GALNT17: variants seen among roughly 807,000 people sequenced by gnomAD.
The protein encoded by GALNT17 is polypeptide N-acetylgalactosaminyltransferase 17, also known as UDP-GalNAc:polypeptide N-acetylgalactosaminyltransferase-like 3.
In GALNT17, 29 loss-of-function variants were observed where a neutral mutation model predicts 63.7. The ratio of observed to expected loss-of-function variants is 0.46; its 90% confidence interval spans 0.34 to 0.62. GALNT17 has a LOEUF of 0.62. Ranked by LOEUF, GALNT17 falls within the 20% of genes least tolerant of loss-of-function variation. GALNT17 has a pLI of 0.01. For synonymous variants in GALNT17, 305 were observed against 318.3 expected, an observed-to-expected ratio of 0.96 and a Z score of 0.45; for missense variants, 603 against 799.6, an observed-to-expected ratio of 0.75 and a Z score of 2.97.
chr7:71,669,289 G>A (rs1283749226), intron 7 of GALNT17, among the ~76,000 whole-genome samples: 1 of 152,058 alleles, frequency 6.6e-6, no homozygotes, highest in Admixed American at 6.6e-5. Context: ...GCCGAGGCTG[G>A]CTGATCACTT....
At chr7:71,154,732 A>ACTCAGATC (rs1788200915) in intron 1 of GALNT17, among the ~76,000 whole-genome samples, 3 of 151,876 alleles carry the variant, frequency 2.0e-5, no homozygotes, top group African/African-American at 7.3e-5. Flanking sequence ...GCCCGCCACC[A>ACTCAGATC]TGCCCGGCTA....
At chr7:71,328,735 G>A (rs1445823012) in intron 1 of GALNT17, among the ~76,000 whole-genome samples, 1 of 150,680 alleles carries the variant, frequency 6.6e-6, no homozygotes, top group Non-Finnish European at 1.5e-5. Context: ...CAAAAAATAT[G>A]TAATTCACAG....
intron 1 of GALNT17, among the ~76,000 whole-genome samples, chr7:71,208,229 G>A (rs1008858652): frequency 3.3e-5 from 5 of 151,974 alleles, no homozygotes; most frequent in African/African-American, 2.4e-5. Context: ...GAGCCAGCAC[G>A]CCTGGCCCAT....
At chr7:71,630,502 C>T (rs1224569910) in intron 6 of GALNT17, among the ~76,000 whole-genome samples, 2 of 152,100 alleles carry the variant, frequency 1.3e-5, no homozygotes, top group African/African-American at 2.4e-5. Flanking sequence ...TGAGTTTCAC[C>T]GGGTAGCTAT....
At chr7:71,469,762 G>T (rs1273864446) in intron 5 of GALNT17, among the ~76,000 whole-genome samples, 2 of 152,184 alleles carry the variant, frequency 1.3e-5, no homozygotes, top group South Asian at 4.1e-4. Flanking sequence ...GTAGCTTTAG[G>T]CTAAACTTAA....
At chr7:71,682,955 C>T (rs1184800987) in intron 9 of GALNT17, among the ~76,000 whole-genome samples, 1 of 152,120 alleles carries the variant, frequency 6.6e-6, no homozygotes, top group African/African-American at 2.4e-5. Context: ...ATCAAGTCTC[C>T]TTTCCTGCTG....
At chr7:71,486,378 AT>A (rs2116658335) in intron 5 of GALNT17, among the ~76,000 whole-genome samples, 2 of 124,926 alleles carry the variant, frequency 1.6e-5, no homozygotes, top group East Asian at 2.5e-4. Flanking sequence ...AATAATAATA[AT>A]AATAATAATA....
At chr7:71,675,975 C>T (rs772259300) in intron 8 of GALNT17, among the ~76,000 whole-genome samples, 5 of 151,998 alleles carry the variant, frequency 3.3e-5, no homozygotes, top group South Asian at 2.1e-4. Flanking sequence ...GCAACAAGAG[C>T]GAAACTCTGT....
intron 1 of GALNT17, among the ~76,000 whole-genome samples, chr7:71,290,630 T>G (rs1265330238): frequency 6.6e-6 from 1 of 152,180 alleles, no homozygotes; most frequent in Non-Finnish European, 1.5e-5. Context: ...GCTGGTCTAT[T>G]AAAAGCTCCC....
chr7:71,310,875 T>C (rs1225481736), intron 1 of GALNT17, among the ~76,000 whole-genome samples: 1 of 152,108 alleles, frequency 6.6e-6, no homozygotes, highest in Non-Finnish European at 1.5e-5. Flanking sequence ...ATGGGAGAAG[T>C]GGAGGAAGGG....
At chr7:71,180,887 T>C (rs953263684) in intron 1 of GALNT17, among the ~76,000 whole-genome samples, 1 of 152,138 alleles carries the variant, frequency 6.6e-6, no homozygotes, top group Non-Finnish European at 1.5e-5. Flanking sequence ...AAGCTAGGTA[T>C]TATATAATGT....
At chr7:71,248,336 A>G (rs1332655230) in intron 1 of GALNT17, among the ~76,000 whole-genome samples, 1 of 152,132 alleles carries the variant, frequency 6.6e-6, no homozygotes, top group Non-Finnish European at 1.5e-5. Context: ...ACAATTTGAG[A>G]TGAGATTTGG....
intron 2 of GALNT17, among the ~76,000 whole-genome samples, chr7:71,363,413 G>T (rs1792443288): frequency 6.6e-6 from 1 of 152,194 alleles, no homozygotes; most frequent in Non-Finnish European, 1.5e-5. Context: ...GCAATCTTTT[G>T]CAAACACACG....
At chr7:71,360,807 G>A (rs1396733133) in intron 2 of GALNT17, among the ~76,000 whole-genome samples, 3 of 152,028 alleles carry the variant, frequency 2.0e-5, no homozygotes, top group Non-Finnish European at 2.9e-5. Context: ...GTATGGTGGC[G>A]GGTCCCTGTA....
intron 2 of GALNT17, among the ~76,000 whole-genome samples, chr7:71,339,645 A>G (rs1371979103): frequency 3.3e-5 from 5 of 151,946 alleles, no homozygotes; most frequent in Non-Finnish European, 7.4e-5. Flanking sequence ...AGCTGAGATC[A>G]TGCCACTGCA....
chr7:71,452,284 G>T (rs182940211), intron 5 of GALNT17, among the ~76,000 whole-genome samples: 6 of 151,336 alleles, frequency 4.0e-5, no homozygotes, highest in East Asian at 2.0e-4. Context: ...GGTGGCTTAC[G>T]CCTGTAATCC....
At chr7:71,141,025 T>TA (rs11302399) in intron 1 of GALNT17, among the ~76,000 whole-genome samples, 5 of 150,188 alleles carry the variant, frequency 3.3e-5, no homozygotes, top group South Asian at 2.1e-4. Flanking sequence ...ACCCAAACTC[T>TA]AAAAAAAAAC....
chr7:71,338,407 A>G (rs1045192474), intron 2 of GALNT17, among the ~76,000 whole-genome samples: 1 of 151,846 alleles, frequency 6.6e-6, no homozygotes, highest in Non-Finnish European at 1.5e-5. Flanking sequence ...GCATGCCTAT[A>G]TAGTCCCAGC....
intron 1 of GALNT17, among the ~76,000 whole-genome samples, chr7:71,240,889 C>T (rs956028808): frequency 6.6e-6 from 1 of 152,132 alleles, no homozygotes; most frequent in Admixed American, 6.5e-5. Context: ...TGGTCTCGAT[C>T]TCCTGACCTC....
Sources: gnomAD v4.1 joint callset for allele counts (sites outside exome capture counted in the v4.1 genomes callset) on GRCh38, gnomAD v4.1.1 for gene constraint, MANE v1.5 for transcripts, NCBI Gene and HGNC (gene_info 2026-07-23, HGNC 2026-07-21) for gene names.